KAZN: variants seen among roughly 807,000 people sequenced by gnomAD.
KAZN encodes kazrin.
A neutral mutation model predicts 87.4 loss-of-function variants in KAZN; 40 were observed. The ratio of observed to expected loss-of-function variants is 0.46; its 90% CI spans 0.36 to 0.60. The LOEUF is 0.60. Among genes scored for constraint, KAZN ranks in the 20% least tolerant of loss-of-function variants. KAZN has a pLI of 0.00. For synonymous variants in KAZN, 466 were observed against 458.3 expected (o/e 1.02, Z -0.22); for missense variants, 898 against 1,073.9 (o/e 0.84, Z 2.29).
chr1:14,084,005 C>T (rs781714373), intron 1 of KAZN, among the ~76,000 whole-genome samples: 5 of 152,130 alleles, frequency 3.3e-5, no homozygotes, highest in Non-Finnish European at 7.3e-5. Flanking sequence ...AATAATCACA[C>T]ACAGATTTAC....
At chr1:14,431,394 T>C (rs910327533) in intron 2 of KAZN, among the ~76,000 whole-genome samples, 20 of 152,322 alleles carry the variant, frequency 1.3e-4, no homozygotes, top group African/African-American at 3.8e-4. Flanking sequence ...TCCAAGCCCC[T>C]ACTTGGAGGA....
At chr1:14,719,425 A>T (rs1257644314) in intron 1 of KAZN, among the ~76,000 whole-genome samples, 1 of 152,234 alleles carries the variant, frequency 6.6e-6, no homozygotes, top group Non-Finnish European at 1.5e-5. Context: ...GACTGTGTCC[A>T]GTGGTCTGTT....
At chr1:14,222,900 G>T (rs1224563626) in intron 2 of KAZN, among the ~76,000 whole-genome samples, 1 of 152,110 alleles carries the variant, frequency 6.6e-6, no homozygotes, top group Non-Finnish European at 1.5e-5. Context: ...AAAGCCTTTT[G>T]TAACTATCAT....
intron 1 of KAZN, among the ~76,000 whole-genome samples, chr1:14,787,247 C>G (rs1474775011): frequency 1.3e-5 from 2 of 152,186 alleles, no homozygotes; most frequent in African/African-American, 4.8e-5. Flanking sequence ...AGTAATTTAC[C>G]TGTATTAGCT....
chr1:14,001,767 A>G (rs927908542), intron 1 of KAZN, among the ~76,000 whole-genome samples: 3 of 152,236 alleles, frequency 2.0e-5, no homozygotes, highest in Non-Finnish European at 1.5e-5. Flanking sequence ...CTCCTATTCA[A>G]TAAATGGTGC....
intron 1 of KAZN, among the ~76,000 whole-genome samples, chr1:13,994,575 G>A (rs1180026779): frequency 6.6e-6 from 1 of 152,164 alleles, no homozygotes; most frequent in Non-Finnish European, 1.5e-5. Flanking sequence ...ATTTCAATGG[G>A]GAACAAAACA....
chr1:15,050,984 G>T (rs1027761461), intron 4 of KAZN, among the ~76,000 whole-genome samples: 1 of 152,222 alleles, frequency 6.6e-6, no homozygotes, highest in Non-Finnish European at 1.5e-5. Context: ...CCCCCAAGGA[G>T]AAGAACTTAG....
At chr1:14,690,194 T>A (rs1048848617) in intron 1 of KAZN, among the ~76,000 whole-genome samples, 1 of 152,214 alleles carries the variant, frequency 6.6e-6, no homozygotes, top group Non-Finnish European at 1.5e-5. Flanking sequence ...TCATGAATCA[T>A]GCATCTGCGG....
chr1:15,112,540 G>C lies in KAZN; in HGVS notation c.2162G>C (p.Arg721Pro). The C allele has an allele frequency of 6.4e-7, 1 of 1,556,408 alleles. No homozygotes were observed. Reference sequence around the variant, plus strand: ...AGCGGTCTCAAGTACAAGGCTGGCCGGGTAAGTCTCTCAATGGATTTACCT... The same window carrying C: ...AGCGGTCTCAAGTACAAGGCTGGCCCGGTAAGTCTCTCAATGGATTTACCT... ...NSSGLKYKAG[R>P]LPLGKIGRGF... is the part of the protein sequence containing the mutation. Residue 721 changes from arginine to proline, a missense_variant and splice_region_variant, in exon 14 of 15, where the codon CGG (arginine) becomes CCG (proline). Arg to Pro is a moderately radical substitution (Grantham distance 103). This residue lies in a region of KAZN where 127 missense variants were observed against 121.5 expected (regional missense o/e 1.04). Coordinates refer to ENST00000376030, the MANE Select transcript of KAZN (RefSeq NM_201628.3).
chr1:14,215,974 AAC>A (rs1324262008), intron 2 of KAZN, among the ~76,000 whole-genome samples: 1 of 152,238 alleles, frequency 6.6e-6, no homozygotes, highest in Non-Finnish European at 1.5e-5. Context: ...CTATATCAAT[AAC>A]ATACAAAAAT....
chr1:15,059,064 T>C (rs1294969376), intron 5 of KAZN, among the ~76,000 whole-genome samples: 3 of 150,018 alleles, frequency 2.0e-5, no homozygotes, highest in Non-Finnish European at 4.4e-5. Context: ...TGACAGATTG[T>C]AATTAGCACA....
intron 1 of KAZN, among the ~76,000 whole-genome samples, chr1:13,986,128 AG>A (rs1639003118): frequency 1.3e-5 from 2 of 152,246 alleles, no homozygotes; most frequent in Non-Finnish European, 2.9e-5. Context: ...CATTTCCAAC[AG>A]CAGTGTATGA....
At chr1:14,559,626 G>A (rs754526399) in intron 2 of KAZN, among the ~76,000 whole-genome samples, 10 of 152,188 alleles carry the variant, frequency 6.6e-5, no homozygotes, top group Non-Finnish European at 1.2e-4. Flanking sequence ...CTGCATTCTC[G>A]AGGCCAGAGC....
chr1:14,290,905 T>C (rs1056379662), intron 2 of KAZN, among the ~76,000 whole-genome samples: 1 of 152,248 alleles, frequency 6.6e-6, no homozygotes, highest in Admixed American at 6.5e-5. Flanking sequence ...TATTCCTTTC[T>C]GTTTGTTAGT....
chr1:14,178,622 G>C (rs1454162740), intron 1 of KAZN, among the ~76,000 whole-genome samples: 2 of 152,160 alleles, frequency 1.3e-5, no homozygotes, highest in Non-Finnish European at 2.9e-5. Flanking sequence ...GTAGCTGTCT[G>C]AATAGCCATG....
intron 1 of KAZN, among the ~76,000 whole-genome samples, chr1:14,154,203 CA>C (rs750588914): frequency 3.9e-4 from 60 of 151,974 alleles, no homozygotes; most frequent in Non-Finnish European, 6.0e-4. Flanking sequence ...GTTTTCTTTC[CA>C]GAGATATTTC....
intron 1 of KAZN, among the ~76,000 whole-genome samples, chr1:14,097,318 C>T (rs945534808): frequency 6.6e-5 from 10 of 152,186 alleles, no homozygotes; most frequent in Non-Finnish European, 5.9e-5. Flanking sequence ...TGAGAAGTCA[C>T]ACTGGCCTCA....
At chr1:14,241,524 C>T (rs1648933041) in intron 2 of KAZN, among the ~76,000 whole-genome samples, 1 of 152,216 alleles carries the variant, frequency 6.6e-6, no homozygotes, top group Non-Finnish European at 1.5e-5. Context: ...CATATAATAA[C>T]AATAGTTGTT....
intron 2 of KAZN, among the ~76,000 whole-genome samples, chr1:14,277,662 GAAAAAAAA>G (rs368768615): frequency 0.055 from 6,197 of 112,396 alleles, 445 homozygotes; most frequent in African/African-American, 0.18. Context: ...ACTCCCTCTT[GAAAAAAAA>G]AAAAAAAGAA....
Sources: allele counts gnomAD v4.1 joint callset (sites outside exome capture counted in the v4.1 genomes callset), GRCh38; gene constraint gnomAD v4.1.1; regional missense constraint gnomAD v4.1.1; transcripts MANE v1.5; gene names NCBI Gene and HGNC (gene_info 2026-07-23, HGNC 2026-07-21).